CNTN4: variants seen among roughly 807,000 people sequenced by gnomAD.
CNTN4 encodes the protein contactin 4.
Under a neutral mutation model 122.5 loss-of-function variants are expected in CNTN4, and 77 were observed. The observed-to-expected ratio is 0.63, with a 90% CI of 0.52 to 0.76. The LOEUF (loss-of-function observed/expected upper bound fraction) is 0.76. CNTN4 is among the 30% of genes least tolerant of loss of function. The pLI, the probability that CNTN4 is intolerant of heterozygous loss-of-function variation, is 0.00. For synonymous variants in CNTN4, 512 were observed against 447.0 expected, an observed-to-expected ratio of 1.15 and a Z score of -1.83; for missense variants, 1,256 against 1,259.1, an observed-to-expected ratio of 1.00 and a Z score of 0.04.
intron 3 of CNTN4, among the ~76,000 whole-genome samples, chr3:2,367,359 C>G (rs1468302991): frequency 1.3e-5 from 2 of 151,978 alleles, no homozygotes; most frequent in Non-Finnish European, 2.9e-5. Context: ...ATTAAACTGC[C>G]CACTCCCCAA....
chr3:2,927,100 G>A (rs1335952384), intron 13 of CNTN4, among the ~76,000 whole-genome samples: 1 of 151,740 alleles, frequency 6.6e-6, no homozygotes, highest in African/African-American at 2.4e-5. Context: ...TCAGAATAAG[G>A]CTACATTTTA....
chr3:2,743,525 C>T (rs1009935866), intron 5 of CNTN4, among the ~76,000 whole-genome samples: 5 of 152,170 alleles, frequency 3.3e-5, no homozygotes, highest in Non-Finnish European at 5.9e-5. Context: ...TAAATTGTTA[C>T]ATTTCAAAGA....
intron 7 of CNTN4, among the ~76,000 whole-genome samples, chr3:2,836,441 A>C (rs988665050): frequency 6.6e-6 from 1 of 152,156 alleles, no homozygotes; most frequent in Non-Finnish European, 1.5e-5. Context: ...ACGCTTACAT[A>C]GTGGGTAATA....
chr3:2,931,204 C>T (rs2094517333), intron 13 of CNTN4, among the ~76,000 whole-genome samples: 1 of 152,096 alleles, frequency 6.6e-6, no homozygotes, highest in Non-Finnish European at 1.5e-5. Context: ...CATCAGTCTC[C>T]TGAGAGTGAA....
At chr3:2,504,480 T>G (rs1427355581) in intron 3 of CNTN4, among the ~76,000 whole-genome samples, 1 of 152,124 alleles carries the variant, frequency 6.6e-6, no homozygotes, top group Non-Finnish European at 1.5e-5. Flanking sequence ...GTGGGACCCT[T>G]TAAGAAAATA....
At chr3:2,275,832 A>G (rs966195128) in intron 2 of CNTN4, among the ~76,000 whole-genome samples, 1 of 150,668 alleles carries the variant, frequency 6.6e-6, no homozygotes, top group African/African-American at 2.5e-5. Flanking sequence ...AGTCAGGAGA[A>G]TCACGTGAAC....
At chr3:2,359,609 G>C (rs1177767981) in intron 3 of CNTN4, among the ~76,000 whole-genome samples, 2 of 152,088 alleles carry the variant, frequency 1.3e-5, no homozygotes, top group African/African-American at 4.8e-5. Flanking sequence ...GCAGGATCTA[G>C]GCTCACTGCA....
Position 2,533,148 on chromosome 3 carries a change from T to C in CNTN4, c.-88-38268T>C, listed in dbSNP as rs967397124. 4.6e-5 allele frequency among the ~76,000 whole-genome samples: 7 copies of C among 151,870 alleles called. 1 individual carries two copies. Among genetic ancestry groups the C allele is most frequent in the African/African-American group, 1.7e-4 (7 of 41,354 alleles). ...TGATTCTTCTTTTTTTTTTTTTTAA[T>C]TATACTTTAAGTTCTAGGGTACATG... On this transcript the variant is annotated intron_variant, in intron 3 of 24. Transcript: ENST00000418658.
At chr3:2,170,009 T>C (rs1490959612) in intron 2 of CNTN4, among the ~76,000 whole-genome samples, 1 of 151,770 alleles carries the variant, frequency 6.6e-6, no homozygotes, top group Non-Finnish European at 1.5e-5. Context: ...AGTTATTAGC[T>C]AATACTTGCA....
chr3:3,026,721 C>T (rs145388964), intron 15 of CNTN4, among the ~76,000 whole-genome samples: 77 of 152,280 alleles, frequency 5.1e-4, no homozygotes, highest in African/African-American at 1.7e-3. Context: ...TTGTAGAAGG[C>T]ACGTCATTGT....
chr3:2,166,198 G>T (rs972932849), intron 2 of CNTN4, among the ~76,000 whole-genome samples: 3 of 152,106 alleles, frequency 2.0e-5, no homozygotes, highest in Admixed American at 2.0e-4. Flanking sequence ...GTGTTTAAGG[G>T]CTTCGTTTTC....
rs1056468341 is a variant in CNTN4 at position 2,313,487 on chromosome 3, T to TA, written c.-144-25684dup. On this transcript the variant is annotated intron_variant, in intron 2 of 24. Transcript: ENST00000418658. ...TATTAACAGATAAGCAATTTTATGG[T>TA]AAAAAAATTGATTCAGAAATAGAGG... Among the ~76,000 whole-genome samples the TA allele has an allele frequency of 2.6e-5, 4 of 151,970 alleles. 1 individual carries two copies. Among genetic ancestry groups the TA allele is most frequent in the Non-Finnish European group, 5.9e-5 (4 of 67,906 alleles).
At chr3:2,984,743 G>A (rs1694392619) in intron 13 of CNTN4, among the ~76,000 whole-genome samples, 2 of 152,278 alleles carry the variant, frequency 1.3e-5, no homozygotes, top group South Asian at 4.1e-4. Context: ...TTATTAATAG[G>A]TGTTTTTGCT....
intron 2 of CNTN4, among the ~76,000 whole-genome samples, chr3:2,236,699 C>A (rs2039693851): frequency 6.6e-6 from 1 of 152,176 alleles, no homozygotes; most frequent in Admixed American, 6.6e-5. Flanking sequence ...CTCAAACTAT[C>A]ATTTTTATTT....
intron 13 of CNTN4, among the ~76,000 whole-genome samples, chr3:2,949,421 A>T (rs62232847): frequency 0.36 from 54,480 of 152,004 alleles, 11,794 homozygotes; most frequent in East Asian, 0.53. Flanking sequence ...TGAAAGAAGC[A>T]CCCTAGCGAT....
chr3:2,951,448 C>T (rs1285318005), intron 13 of CNTN4, among the ~76,000 whole-genome samples: 1 of 152,200 alleles, frequency 6.6e-6, no homozygotes, highest in Non-Finnish European at 1.5e-5. Context: ...GATGCTTGCT[C>T]ACAGGCTCTC....
chr3:2,663,517 T>C (rs2084006143), intron 4 of CNTN4, among the ~76,000 whole-genome samples: 2 of 152,192 alleles, frequency 1.3e-5, no homozygotes, highest in African/African-American at 4.8e-5. Flanking sequence ...GTCTGAAGTA[T>C]AGGAAGGAGG....
At chr3:2,947,942 C>G (rs939292008) in intron 13 of CNTN4, among the ~76,000 whole-genome samples, 11 of 152,040 alleles carry the variant, frequency 7.2e-5, no homozygotes, top group African/African-American at 2.7e-4. Flanking sequence ...AAAGCTGTCT[C>G]TATTAAATGA....
At chr3:2,887,462 G>T (rs1352264125) in intron 10 of CNTN4, among the ~76,000 whole-genome samples, 1 of 152,008 alleles carries the variant, frequency 6.6e-6, no homozygotes, top group African/African-American at 2.4e-5. Flanking sequence ...TTGGAGGATG[G>T]GTATTAGTGT....
Sources: allele counts gnomAD v4.1 joint callset (sites outside exome capture counted in the v4.1 genomes callset), GRCh38; gene constraint gnomAD v4.1.1; transcripts MANE v1.5; gene names NCBI Gene and HGNC (gene_info 2026-07-23, HGNC 2026-07-21).